The following RALYL variants were observed in gnomAD, a reference collection of about 807,000 sequenced individuals.
RALYL encodes the protein RALY RNA binding protein like.
RALYL carries 29 observed loss-of-function variants against 35.1 expected under a neutral mutation model. That is an observed-to-expected ratio of 0.83 (90% CI 0.61 to 1.13). The LOEUF is 1.13. RALYL is among the 50% of genes most tolerant of loss of function. The pLI is 0.00. For missense variants in RALYL, 359 were observed against 360.4 expected (o/e 1.00, Z 0.03); for synonymous variants, 120 against 127.6 (o/e 0.94, Z 0.40).
At chr8:84,660,779 G>A (rs974426896) in intron 2 of RALYL, among the ~76,000 whole-genome samples, 2 of 151,952 alleles carry the variant, frequency 1.3e-5, no homozygotes, top group Non-Finnish European at 2.9e-5. Context: ...GTTATATTGA[G>A]ACTATTGAGA....
chr8:84,650,744 A>G (rs550114790), intron 2 of RALYL, among the ~76,000 whole-genome samples: 1 of 151,758 alleles, frequency 6.6e-6, no homozygotes, highest in South Asian at 2.1e-4. Flanking sequence ...AGGACTATAA[A>G]TCATGCTGCT....
At chr8:84,292,205 A>T (rs1022789194) in intron 1 of RALYL, among the ~76,000 whole-genome samples, 4 of 152,162 alleles carry the variant, frequency 2.6e-5, no homozygotes, top group Non-Finnish European at 5.9e-5. Context: ...CCTTTATCAT[A>T]AAAGGTGAGG....
chr8:84,786,089 T>C (rs547587535), intron 3 of RALYL, among the ~76,000 whole-genome samples: 1 of 152,380 alleles, frequency 6.6e-6, no homozygotes, highest in East Asian at 1.9e-4. Flanking sequence ...TATTTGGTTT[T>C]CTGTTCCTGT....
At chr8:84,580,334 G>A (rs1175363475) in intron 2 of RALYL, among the ~76,000 whole-genome samples, 1 of 152,166 alleles carries the variant, frequency 6.6e-6, no homozygotes, top group East Asian at 1.9e-4. Flanking sequence ...AGGTTTATTT[G>A]GCTTACAGTT....
intron 1 of RALYL, among the ~76,000 whole-genome samples, chr8:84,285,133 A>G (rs1031728529): frequency 2.0e-5 from 3 of 152,202 alleles, no homozygotes; most frequent in African/African-American, 7.2e-5. Context: ...TGCAGTCCTC[A>G]TGAGATTATG....
chr8:84,764,094 G>A (rs1378479845), intron 2 of RALYL, among the ~76,000 whole-genome samples: 1 of 152,176 alleles, frequency 6.6e-6, no homozygotes, highest in Non-Finnish European at 1.5e-5. Flanking sequence ...AACGTCTAAC[G>A]TTAGAATCTG....
chr8:84,637,413 A>T (rs1368101870), intron 2 of RALYL, among the ~76,000 whole-genome samples: 1 of 151,762 alleles, frequency 6.6e-6, no homozygotes, highest in Non-Finnish European at 1.5e-5. Context: ...ATTTTTATGC[A>T]TTTTCTCCTG....
At chr8:84,780,966 T>C (rs1440781606) in intron 3 of RALYL, among the ~76,000 whole-genome samples, 1 of 152,108 alleles carries the variant, frequency 6.6e-6, no homozygotes, top group East Asian at 1.9e-4. Context: ...TCGAGTGATC[T>C]TCCCACCTCA....
At chr8:84,423,843 A>C (rs954975917) in intron 1 of RALYL, among the ~76,000 whole-genome samples, 9 of 151,544 alleles carry the variant, frequency 5.9e-5, no homozygotes, top group Non-Finnish European at 1.2e-4. Flanking sequence ...TTCTGGGTTG[A>C]AAATTCTTTT....
chr8:84,401,890 C>T (rs1302543815), intron 1 of RALYL, among the ~76,000 whole-genome samples: 1 of 118,070 alleles, frequency 8.5e-6, no homozygotes, highest in Non-Finnish European at 1.7e-5. Flanking sequence ...CTGCCTCAAG[C>T]ACCTTTCTAG....
chr8:84,417,348 G>A (rs1423841296), intron 1 of RALYL, among the ~76,000 whole-genome samples: 1 of 152,068 alleles, frequency 6.6e-6, no homozygotes, highest in East Asian at 1.9e-4. Context: ...CCTCCTTGGA[G>A]GACAGAAATT....
At chr8:84,259,868 A>G (rs117678351) in intron 1 of RALYL, among the ~76,000 whole-genome samples, 2,889 of 152,272 alleles carry the variant, frequency 0.019, 42 homozygotes, top group South Asian at 0.031. Context: ...GAATACACAC[A>G]CTGCGTTCCC....
At chr8:84,485,336 C>T (rs2054495393) in intron 1 of RALYL, among the ~76,000 whole-genome samples, 2 of 152,150 alleles carry the variant, frequency 1.3e-5, no homozygotes, top group South Asian at 2.1e-4. Context: ...CGCCTTTAAT[C>T]CCAGCACTTT....
chr8:84,456,821 T>A (rs1256393772), intron 1 of RALYL, among the ~76,000 whole-genome samples: 1 of 151,908 alleles, frequency 6.6e-6, no homozygotes, highest in Non-Finnish European at 1.5e-5. Flanking sequence ...AGCCAGAAAA[T>A]TTTTAAATTA....
At chr8:84,863,228 T>A (rs1490208949) in intron 6 of RALYL, among the ~76,000 whole-genome samples, 1 of 152,212 alleles carries the variant, frequency 6.6e-6, no homozygotes, top group Non-Finnish European at 1.5e-5. Flanking sequence ...TTTCATTGAC[T>A]GAGGTGACAT....
chr8:84,469,781 A>T (rs1482119000), intron 1 of RALYL, among the ~76,000 whole-genome samples: 1 of 152,064 alleles, frequency 6.6e-6, no homozygotes, highest in Non-Finnish European at 1.5e-5. Context: ...CTGTGCTAGC[A>T]ATCAGCGAGA....
chr8:84,633,974 G>C (rs1181786276), intron 2 of RALYL, among the ~76,000 whole-genome samples: 1 of 151,780 alleles, frequency 6.6e-6, no homozygotes, highest in Non-Finnish European at 1.5e-5. Context: ...ATGTTAAAAT[G>C]ATATAATGAA....
intron 2 of RALYL, among the ~76,000 whole-genome samples, chr8:84,710,455 C>T (rs1841989929): frequency 1.3e-5 from 2 of 151,974 alleles, no homozygotes; most frequent in African/African-American, 4.8e-5. Flanking sequence ...GTGCCCACCA[C>T]CATGGCTGGC....
chr8:84,601,272 G>A (rs1815880919), intron 2 of RALYL, among the ~76,000 whole-genome samples: 1 of 152,042 alleles, frequency 6.6e-6, no homozygotes, highest in African/African-American at 2.4e-5. Flanking sequence ...GACAAGTTAT[G>A]GCCCCAGATA....
Sources: allele counts gnomAD v4.1 joint callset (sites outside exome capture counted in the v4.1 genomes callset), GRCh38; gene constraint gnomAD v4.1.1; transcripts MANE v1.5; gene names NCBI Gene and HGNC (gene_info 2026-07-23, HGNC 2026-07-21).